Variants in IL1RAPL1 observed in about 807,000 individuals in gnomAD.
IL1RAPL1 encodes the protein interleukin 1 receptor accessory protein like 1, also known as interleukin-1 receptor accessory protein-like 1.
A neutral mutation model predicts 48.4 loss-of-function variants in IL1RAPL1; 3 were observed. That is an observed-to-expected ratio of 0.06 (90% CI 0.03 to 0.16). IL1RAPL1 has a LOEUF of 0.16. Among genes scored for constraint, IL1RAPL1 ranks in the 10% least tolerant of loss-of-function variants. The pLI, the probability that IL1RAPL1 is intolerant of heterozygous loss-of-function variation, is 1.00. For synonymous variants in IL1RAPL1, 185 were observed against 187.7 expected (o/e 0.99, Z 0.12); for missense variants, 349 against 530.6 (o/e 0.66, Z 3.36).
At chrX:29,941,928 A>C in intron 9 of IL1RAPL1, 134 bp downstream of exon 9, 1 of 564,173 alleles carries the variant, frequency 1.8e-6, no homozygotes, top group Non-Finnish European at 2.9e-6. Flanking sequence ...CTCAGTTTGT[A>C]AATTTCTCTT....
At chrX:29,711,401 T>C (rs1927351449) in intron 6 of IL1RAPL1, among the ~76,000 whole-genome samples, 1 of 109,724 alleles carries the variant, frequency 9.1e-6, no homozygotes, top group South Asian at 4.0e-4. Context: ...CAGGCTGGTC[T>C]TGAACTCCCG....
At chrX:29,537,497 A>G (rs1430785874) in intron 5 of IL1RAPL1, among the ~76,000 whole-genome samples, 3 of 109,903 alleles carry the variant, frequency 2.7e-5, no homozygotes, top group Non-Finnish European at 5.7e-5. Context: ...TAGAATAACA[A>G]GCATACAAGA....
At chrX:29,941,355 A>G (rs1201292923) in intron 8 of IL1RAPL1, among the ~76,000 whole-genome samples, 2 of 112,268 alleles carry the variant, frequency 1.8e-5, no homozygotes, top group Non-Finnish European at 3.8e-5. Flanking sequence ...ATAGTTTCCA[A>G]TCAGATATTT....
chrX:29,657,644 C>T (rs1402844444), intron 5 of IL1RAPL1, among the ~76,000 whole-genome samples: 1 of 111,430 alleles, frequency 9.0e-6, no homozygotes, highest in African/African-American at 3.3e-5. Context: ...ATAAGCATTT[C>T]TAAATAACTT....
intron 5 of IL1RAPL1, among the ~76,000 whole-genome samples, chrX:29,516,937 G>A (rs1462717928): frequency 9.0e-6 from 1 of 111,473 alleles, no homozygotes; most frequent in Non-Finnish European, 1.9e-5. Flanking sequence ...CTCAGCATTT[G>A]TTTGCTCACT....
chrX:29,032,263 A>G (rs1375555472), intron 2 of IL1RAPL1, among the ~76,000 whole-genome samples: 1 of 112,107 alleles, frequency 8.9e-6, no homozygotes, highest in East Asian at 2.8e-4. Flanking sequence ...GTGTCTGTAT[A>G]TTTTTAACCC....
intron 6 of IL1RAPL1, among the ~76,000 whole-genome samples, chrX:29,693,285 C>G (rs139794903): frequency 5.3e-5 from 6 of 112,223 alleles, no homozygotes; most frequent in Non-Finnish European, 1.1e-4. Context: ...TAGCTTCAAC[C>G]GCTGTTGGAT....
intron 1 of IL1RAPL1, among the ~76,000 whole-genome samples, chrX:28,602,410 GT>G (rs1385505745): frequency 8.9e-6 from 1 of 111,901 alleles, no homozygotes; most frequent in Non-Finnish European, 1.9e-5. Flanking sequence ...TGAAGCAATG[GT>G]TTTTTTACTC....
chrX:29,420,729 G>A (rs933892137), intron 5 of IL1RAPL1, among the ~76,000 whole-genome samples: 2 of 112,597 alleles, frequency 1.8e-5, no homozygotes, highest in South Asian at 3.6e-4. Context: ...AGTTGGGAAT[G>A]TATTTTAGAA....
chrX:29,200,152 G>A (rs200339527), intron 2 of IL1RAPL1, among the ~76,000 whole-genome samples: 11 of 105,265 alleles, frequency 1.0e-4, no homozygotes, highest in African/African-American at 1.0e-4. Flanking sequence ...TGTGTAAAAA[G>A]AAAAAAAAAA....
chrX:29,686,406 A>T (rs913144638), intron 6 of IL1RAPL1, among the ~76,000 whole-genome samples: 7 of 110,731 alleles, frequency 6.3e-5, no homozygotes, highest in African/African-American at 9.9e-5. Flanking sequence ...TGGTCTGAGG[A>T]TTTTAATTTC....
chrX:28,733,322 C>T (rs1935779346), intron 1 of IL1RAPL1, among the ~76,000 whole-genome samples: 1 of 110,691 alleles, frequency 9.0e-6, no homozygotes, highest in Non-Finnish European at 1.9e-5. Flanking sequence ...TGTATACCAT[C>T]CCCCAGCTCC....
chrX:29,734,241 G>C (rs1316622644), intron 6 of IL1RAPL1, among the ~76,000 whole-genome samples: 1 of 112,818 alleles, frequency 8.9e-6, no homozygotes, highest in Non-Finnish European at 1.9e-5. Context: ...TGTTTTTCAA[G>C]TTGCAAGAAA....
rs756140301 is a variant in IL1RAPL1, at chrX:29,397,945, A to G, written c.550-1210A>G. On this transcript the variant is annotated intron_variant, in intron 4 of 10. Coordinates refer to ENST00000378993, the MANE Select transcript of IL1RAPL1 (RefSeq NM_014271.4). The stretch of plus-strand genomic sequence containing the variant: ...AAAAAGTGGCTGGTCCTTTAGTCCT[A>G]TTTCCAACATTGCCACAATAATTTT... Among the ~76,000 whole-genome samples the G allele has an allele frequency of 2.1e-4, 24 of 112,092 alleles. No homozygotes were observed. In the Middle Eastern group the frequency reaches 0.014, roughly 65 times the overall value.
chrX:29,802,170 G>A (rs1044736360), intron 6 of IL1RAPL1, among the ~76,000 whole-genome samples: 1 of 111,669 alleles, frequency 9.0e-6, no homozygotes, highest in Non-Finnish European at 1.9e-5. Flanking sequence ...GCATCATTGG[G>A]GAAAAAAATC....
At chrX:29,211,929 G>GA (rs1290002647) in intron 2 of IL1RAPL1, among the ~76,000 whole-genome samples, 2 of 110,697 alleles carry the variant, frequency 1.8e-5, no homozygotes, top group African/African-American at 6.6e-5. Context: ...TATAGTCTCA[G>GA]AAAATCACCT....
rs767923454 is a variant in IL1RAPL1 at position 29,476,074 on chromosome X, G to T, written c.703+76766G>T. 9.1e-4 allele frequency among the ~76,000 whole-genome samples: 102 copies of T among 111,606 alleles called. 1 individual carries two copies. Among genetic ancestry groups the T allele is most frequent in the Non-Finnish European group, 1.7e-3 (88 of 53,119 alleles). On this transcript the variant is annotated intron_variant, in intron 5 of 10. Transcript: ENST00000378993. ...CATCCGTGTCTTGCATAATAAAGCA[G>T]CCAAGATGGAGTAAAACGTAAAAGC...
chrX:29,826,630 A>G (rs1229505610), intron 6 of IL1RAPL1, among the ~76,000 whole-genome samples: 1 of 111,620 alleles, frequency 9.0e-6, no homozygotes, highest in Non-Finnish European at 1.9e-5. Flanking sequence ...TAGAAAAGGT[A>G]TCGTACATGT....
At chrX:29,618,599 G>A (rs901753145) in intron 5 of IL1RAPL1, among the ~76,000 whole-genome samples, 1 of 111,624 alleles carries the variant, frequency 9.0e-6, no homozygotes, top group African/African-American at 3.3e-5. Context: ...TGTTGCAGTC[G>A]TCCCAATGAC....
Sources: gnomAD v4.1 joint callset for allele counts (sites outside exome capture counted in the v4.1 genomes callset) on GRCh38, gnomAD v4.1.1 for gene constraint, MANE v1.5 for transcripts, NCBI Gene and HGNC (gene_info 2026-07-23, HGNC 2026-07-21) for gene names.